The following NWD1 variants were observed in gnomAD, a reference collection of about 807,000 sequenced individuals.
NWD1 encodes the protein NACHT domain- and WD repeat-containing protein 1.
A neutral mutation model predicts 135.1 loss-of-function variants in NWD1; 129 were observed. The observed-to-expected ratio is 0.96, with a 90% CI of 0.83 to 1.11. The LOEUF (loss-of-function observed/expected upper bound fraction) is 1.11. Among genes scored for constraint, NWD1 ranks in the 50% least tolerant of loss-of-function variants. NWD1 has a pLI of 0.00. For synonymous variants in NWD1, 773 were observed against 786.0 expected (o/e 0.98, Z 0.28); for missense variants, 1,740 against 1,851.3 (o/e 0.94, Z 1.10).
intron 5 of NWD1, among the ~76,000 whole-genome samples, chr19:16,747,740 G>A (rs975953835): frequency 6.6e-5 from 10 of 152,154 alleles, no homozygotes; most frequent in South Asian, 4.2e-4. Context: ...CTCTCCCAGC[G>A]CAGGCAACCA....
At chr19:16,806,985 C>T (rs1029550889) in intron 17 of NWD1, among the ~76,000 whole-genome samples, 2 of 151,734 alleles carry the variant, frequency 1.3e-5, no homozygotes, top group Non-Finnish European at 2.9e-5. Context: ...CCACTGCGCT[C>T]CAGCCTGGAC....
chr19:16,813,669 G>A (rs1445569240), intron 18 of NWD1, among the ~76,000 whole-genome samples: 1 of 151,874 alleles, frequency 6.6e-6, no homozygotes, highest in Non-Finnish European at 1.5e-5. Context: ...TAGAGGTAGG[G>A]TTTCACCATG....
intron 10 of NWD1, among the ~76,000 whole-genome samples, chr19:16,770,201 T>C (rs1418899553): frequency 6.6e-6 from 1 of 152,152 alleles, no homozygotes; most frequent in Admixed American, 6.6e-5. Context: ...TCCCCACACA[T>C]TGAGGGAGGG....
chr19:16,785,467 C>T (rs1048387330), intron 12 of NWD1, among the ~76,000 whole-genome samples: 3 of 151,180 alleles, frequency 2.0e-5, no homozygotes. Flanking sequence ...GCCGAGATTG[C>T]GTCACTGCAC....
intron 2 of NWD1, among the ~76,000 whole-genome samples, chr19:16,728,198 A>T (rs1029055362): frequency 6.6e-6 from 1 of 152,156 alleles, no homozygotes; most frequent in Non-Finnish European, 1.5e-5. Context: ...TAAACCACGG[A>T]AATTGGCAGA....
chr19:16,759,980 G>A (rs1319727998), intron 7 of NWD1, among the ~76,000 whole-genome samples: 1 of 151,810 alleles, frequency 6.6e-6, no homozygotes, highest in Non-Finnish European at 1.5e-5. Context: ...GCAACAGAGC[G>A]AGACTCCATT....
chr19:16,809,531 ATTTCTTTTTTTTTTTCTTTTTCTT>A (rs1466545504), intron 18 of NWD1, among the ~76,000 whole-genome samples: 1 of 144,138 alleles, frequency 6.9e-6, no homozygotes, highest in Non-Finnish European at 1.5e-5. Flanking sequence ...GCTCTGTGCT[ATTTCTTTTTTTTTTTCTTTTTCTT>A]TTTCTTTTTT....
chr19:16,755,687 C>T (rs1968765030), intron 6 of NWD1, among the ~76,000 whole-genome samples: 1 of 148,014 alleles, frequency 6.8e-6, no homozygotes, highest in Non-Finnish European at 1.5e-5. Context: ...CACATCCAGC[C>T]TTATTTATTT....
intron 1 of NWD1, among the ~76,000 whole-genome samples, chr19:16,720,942 C>T (rs1967112425): frequency 6.6e-6 from 1 of 152,090 alleles, no homozygotes; most frequent in South Asian, 2.1e-4. Context: ...CCTCTGCTTC[C>T]CGGGTTCAAG....
At position 16,744,518 on chromosome 19, in the gene NWD1, G is replaced by C. The variant is rs773012636; in HGVS notation, c.296G>C (p.Ser99Thr). ...VLRDHLTARP[S>T]DLELVARYFQ... Reference sequence around the variant, plus strand: ...AGGGACCATCTGACTGCCAGGCCAAGTGACCTGGAGCTGGTGGCACGATAC... The same window carrying C: ...AGGGACCATCTGACTGCCAGGCCAACTGACCTGGAGCTGGTGGCACGATAC... Residue 99 changes from serine (S) to threonine (T), a missense_variant, in exon 5 of 19, where the codon AGT becomes ACT. Physicochemically the swap from Ser to Thr is moderately conservative, Grantham distance 58. Transcript: ENST00000524140. 3.3e-6 allele frequency: 5 copies of C among 1,535,900 alleles called. No homozygotes were observed. The South Asian group carries it at 5.9e-5, about 18-fold the overall frequency.
At chr19:16,802,770 G>A (rs1445288438) in intron 17 of NWD1, among the ~76,000 whole-genome samples, 1 of 152,052 alleles carries the variant, frequency 6.6e-6, no homozygotes, top group Non-Finnish European at 1.5e-5. Flanking sequence ...GGAGGCCAAG[G>A]CAGGCGCATC....
chr19:16,807,330 C>A (rs1439564513), intron 17 of NWD1, among the ~76,000 whole-genome samples: 3 of 151,726 alleles, frequency 2.0e-5, no homozygotes, highest in African/African-American at 7.3e-5. Context: ...CCCACCTTTA[C>A]TAAAAATACA....
chr19:16,810,452 A>AG (rs1970891681), intron 18 of NWD1, among the ~76,000 whole-genome samples: 1 of 150,466 alleles, frequency 6.6e-6, no homozygotes, highest in Non-Finnish European at 1.5e-5. Context: ...AAAAAAAAAA[A>AG]AAAAAGAAAG....
At chr19:16,730,761 G>T (rs953859200) in intron 2 of NWD1, among the ~76,000 whole-genome samples, 5 of 152,144 alleles carry the variant, frequency 3.3e-5, no homozygotes, top group African/African-American at 9.6e-5. Flanking sequence ...GGGTATGGTG[G>T]CTCATGTCTG....
intron 12 of NWD1, among the ~76,000 whole-genome samples, chr19:16,786,359 A>G (rs1234948188): frequency 6.6e-6 from 1 of 151,674 alleles, no homozygotes; most frequent in Non-Finnish European, 1.5e-5. Context: ...TCCACCATCA[A>G]TTTCACAGGG....
At chr19:16,726,323 C>T (rs529036309) in intron 2 of NWD1, among the ~76,000 whole-genome samples, 1 of 152,086 alleles carries the variant, frequency 6.6e-6, no homozygotes, top group Non-Finnish European at 1.5e-5. Flanking sequence ...GTTGCCCTGG[C>T]TGGCCTTGAA....
intron 4 of NWD1, among the ~76,000 whole-genome samples, chr19:16,742,901 AT>A (rs1968144502): frequency 7.0e-6 from 1 of 142,202 alleles, no homozygotes; most frequent in South Asian, 2.2e-4. Context: ...TATTATTATT[AT>A]TATTATTATT....
intron 2 of NWD1, among the ~76,000 whole-genome samples, chr19:16,729,003 C>T (rs988965572): frequency 6.6e-6 from 1 of 150,614 alleles, no homozygotes; most frequent in Admixed American, 6.6e-5. Flanking sequence ...TGGTGGTTCA[C>T]ACCTGCAATC....
intron 7 of NWD1, among the ~76,000 whole-genome samples, chr19:16,760,136 CAGAGT>C (rs956031635): frequency 2.4e-4 from 37 of 152,028 alleles, no homozygotes; most frequent in African/African-American, 8.9e-4. Context: ...GTCTGGGTGA[CAGAGT>C]GAGATCCTGT....
Sources: allele counts gnomAD v4.1 joint callset (sites outside exome capture counted in the v4.1 genomes callset), GRCh38; gene constraint gnomAD v4.1.1; transcripts MANE v1.5; gene names NCBI Gene and HGNC (gene_info 2026-07-23, HGNC 2026-07-21).